Variants in AKAP13 observed in about 807,000 individuals in gnomAD.
The protein encoded by AKAP13 is A-kinase anchor protein 13.
Under a neutral mutation model 264.5 loss-of-function variants are expected in AKAP13, and 80 were observed. The ratio of observed to expected loss-of-function variants is 0.30; its 90% CI spans 0.25 to 0.36. The LOEUF (loss-of-function observed/expected upper bound fraction) is 0.36, where lower values mean the gene tolerates loss of function less well. Among genes scored for constraint, AKAP13 ranks in the 10% least tolerant of loss-of-function variants. The probability of loss-of-function intolerance (pLI) is 1.00; values close to 1 mark genes in which losing one functional copy is unlikely to be tolerated. For synonymous variants in AKAP13, 1,380 were observed against 1,250.2 expected (o/e 1.10, Z -2.19); for missense variants, 3,712 against 3,435.2 (o/e 1.08, Z -2.01).
At chr15:85,662,403 C>G in intron 12 of AKAP13, 1 of 1,614,122 alleles carries the variant, frequency 6.2e-7, no homozygotes, top group Non-Finnish European at 8.5e-7. Flanking sequence ...GCTGGTGCCC[C>G]TCTGGTGTGC....
intron 8 of AKAP13, among the ~76,000 whole-genome samples, chr15:85,639,096 T>A (rs8029129): frequency 0.045 from 6,796 of 152,338 alleles, 232 homozygotes; most frequent in East Asian, 0.17. Flanking sequence ...TTAACTTTTT[T>A]AATTTTACCC....
intron 12 of AKAP13, 135 bp from the exon 13 acceptor site, chr15:85,664,428 C>A (rs982693373): frequency 1.3e-6 from 1 of 794,542 alleles, no homozygotes; most frequent in Non-Finnish European, 2.0e-6. Flanking sequence ...TTGTGCCATG[C>A]CCTTTTAGAC....
intron 2 of AKAP13, among the ~76,000 whole-genome samples, chr15:85,510,841 A>G (rs1012101193): frequency 6.6e-6 from 1 of 152,238 alleles, no homozygotes; most frequent in Non-Finnish European, 1.5e-5. Flanking sequence ...GCTTTCTGAA[A>G]CATTTGAAAT....
At chr15:85,476,404 GT>G (rs2151033576) in intron 1 of AKAP13, among the ~76,000 whole-genome samples, 1 of 152,320 alleles carries the variant, frequency 6.6e-6, no homozygotes, top group South Asian at 2.1e-4. Context: ...GATCGACACA[GT>G]GATGAGGATG....
At chr15:85,589,612 A>G (rs1308768986) in intron 8 of AKAP13, among the ~76,000 whole-genome samples, 1 of 146,030 alleles carries the variant, frequency 6.8e-6, no homozygotes, top group African/African-American at 2.5e-5. Flanking sequence ...AAAAAAAAAT[A>G]CAAGAGTTAG....
chr15:85,383,315 C>T (rs7180683), intron 1 of AKAP13, among the ~76,000 whole-genome samples: 31,906 of 151,924 alleles, frequency 0.21, 4,200 homozygotes, highest in African/African-American at 0.35. Flanking sequence ...GTTCAGATCT[C>T]CACACTTCCA....
In AKAP13 at chr15:85,724,765, A is replaced by G. The variant is rs2087504131; in HGVS notation, c.6745+1445A>G. 6.6e-6 allele frequency among the ~76,000 whole-genome samples: 1 copy of G among 151,898 alleles called. No homozygotes were observed. The highest frequency in any genetic ancestry group is 1.5e-5 in the Non-Finnish European group (1 of 67,988). ...CAGCTGGAGTGAAGAGAGACTGGTG[A>G]CAGATAAGAGACTGTGCAGTGCTTT... On this transcript the variant is annotated intron_variant, in intron 26 of 36. Coordinates refer to ENST00000394518, the MANE Select transcript of AKAP13 (RefSeq NM_007200.5). This position sits in a 1 kb window ranked among gnomAD's most constrained non-coding sequence, Gnocchi z 4.2.
intron 35 of AKAP13, 28 bp downstream of exon 35, chr15:85,741,523 C>T (rs2088961894): frequency 1.3e-6 from 2 of 1,540,896 alleles, no homozygotes; most frequent in Non-Finnish European, 8.7e-7. Context: ...CGAGAGCAAC[C>T]TAATGATGAT....
rs749426463 is a variant in AKAP13 at position 85,645,849 on chromosome 15, C to T, written c.4269C>T (p.Gly1423=). ...AGAACTTCCTGGATGTTGGACTGGG[C>T]AGAGAGTGTACCTCAAAACAAGGTG... ...ECENFLDVGL[G]RECTSKQGVL... Residue 1423 remains glycine (G), a synonymous_variant, in exon 10 of 37, where the codon GGC becomes GGT. Transcript: ENST00000394518. The T allele has an allele frequency of 6.2e-7, 1 of 1,610,676 alleles. No individual in the cohort carries two copies. Among genetic ancestry groups the T allele is most frequent in the East Asian group, 2.2e-5 (1 of 44,776 alleles).
rs773396099 is a variant in AKAP13, at chr15:85,629,764, C to CTTTTTTTTTTTTTT, written c.4162-9590_4162-9577dup. Among the ~76,000 whole-genome samples, 27 of 50,526 alleles carry CTTTTTTTTTTTTTT rather than the reference C, an allele frequency of 5.3e-4. 4 individuals carry two copies. Among genetic ancestry groups the CTTTTTTTTTTTTTT allele is most frequent in the Admixed American group, 7.2e-4 (2 of 2,760 alleles). 33.1% of individuals were successfully genotyped at this position (50,526 alleles called of 152,430 possible). ...GAAATATAATGAGTTCCTTTACAGC[C>CTTTTTTTTTTTTTT]TTTTTTTTTTTTTTTTTTTTTTTTT... On this transcript the variant is annotated intron_variant, in intron 8 of 36. Transcript: ENST00000394518.
At chr15:85,633,843 C>CT (rs35668230) in intron 8 of AKAP13, among the ~76,000 whole-genome samples, 35 of 148,940 alleles carry the variant, frequency 2.3e-4, no homozygotes, top group East Asian at 5.9e-4. Flanking sequence ...TGCACCCGGC[C>CT]TTTTTTTTTT....
At chr15:85,585,075 A>C (rs184063280) in intron 7 of AKAP13, among the ~76,000 whole-genome samples, 1 of 152,324 alleles carries the variant, frequency 6.6e-6, no homozygotes, top group Non-Finnish European at 1.5e-5. Context: ...AATTCTTGAG[A>C]AAACATGCGC....
At chr15:85,444,006 C>T (rs2073810764) in intron 1 of AKAP13, among the ~76,000 whole-genome samples, 1 of 152,170 alleles carries the variant, frequency 6.6e-6, no homozygotes, top group East Asian at 1.9e-4. Context: ...GAATTCAGGG[C>T]CTTTCCCCTG....
At chr15:85,455,265 A>G (rs2074243741) in intron 1 of AKAP13, among the ~76,000 whole-genome samples, 1 of 152,158 alleles carries the variant, frequency 6.6e-6, no homozygotes, top group African/African-American at 2.4e-5. Flanking sequence ...AATTAGAATT[A>G]GGCAGAGTGG....
At chr15:85,726,001 T>G (rs911638033) in intron 26 of AKAP13, 6 of 154,968 alleles carry the variant, frequency 3.9e-5, no homozygotes, top group African/African-American at 1.4e-4. Context: ...TTACTGTAAT[T>G]AGAAGTCGAA....
chr15:85,409,086 G>A (rs1176382059), intron 1 of AKAP13, among the ~76,000 whole-genome samples: 1 of 151,662 alleles, frequency 6.6e-6, no homozygotes, highest in Admixed American at 6.6e-5. Flanking sequence ...AGTGATGTGA[G>A]CATCTTTTTA....
In AKAP13 at chr15:85,471,212, T is replaced by C. The variant is rs72754523; in HGVS notation, c.-11-14498T>C. 1.9e-3 allele frequency among the ~76,000 whole-genome samples: 293 copies of C among 152,292 alleles called. 1 individual carries two copies. The highest frequency in any genetic ancestry group is 2.5e-3 in the Non-Finnish European group (171 of 68,020). Reference sequence around the variant, plus strand: ...TTTAAAAGTTTAAAAATCTGCCTTATTGGCTGGGCGCGGTGGCTCACGTCT... The same window carrying C: ...TTTAAAAGTTTAAAAATCTGCCTTACTGGCTGGGCGCGGTGGCTCACGTCT... On this transcript the variant is annotated intron_variant, in intron 1 of 36. Transcript: ENST00000394518.
chr15:85,504,166 G>C (rs1198403964), intron 2 of AKAP13, among the ~76,000 whole-genome samples: 2 of 152,148 alleles, frequency 1.3e-5, no homozygotes, highest in African/African-American at 2.4e-5. Context: ...GTGAATAACT[G>C]TAAGATATAG....
At chr15:85,744,444 G>A in intron 36 of AKAP13, 184 bp from the exon 37 acceptor site, 1 of 642,536 alleles carries the variant, frequency 1.6e-6, no homozygotes, top group Non-Finnish European at 2.8e-6. Context: ...ATTAGGCAGT[G>A]AAGGATATCA....
Sources: allele counts gnomAD v4.1 joint callset (sites outside exome capture counted in the v4.1 genomes callset), GRCh38; gene constraint gnomAD v4.1.1; non-coding constraint Gnocchi (gnomAD v3.1); transcripts MANE v1.5; gene names NCBI Gene and HGNC (gene_info 2026-07-23, HGNC 2026-07-21).